The following TMEM254 variants were observed in gnomAD, a reference collection of about 807,000 sequenced individuals.
TMEM254 encodes transmembrane protein C10orf57.
Under a neutral mutation model 13.9 loss-of-function variants are expected in TMEM254, and 16 were observed. That is an observed-to-expected ratio of 1.15 (90% CI 0.78 to 1.75). The LOEUF (loss-of-function observed/expected upper bound fraction) is 1.75. Ranked by LOEUF, TMEM254 falls within the 40% of genes most tolerant of loss-of-function variation. TMEM254 has a pLI of 0.00. For missense variants in TMEM254, 155 were observed against 149.0 expected (o/e 1.04, Z -0.21); for synonymous variants, 61 against 56.4 (o/e 1.08, Z -0.36).
intron 1 of TMEM254, among the ~76,000 whole-genome samples, chr10:80,080,960 GT>G (rs1428765521): frequency 6.6e-6 from 1 of 152,316 alleles, no homozygotes; most frequent in East Asian, 1.9e-4. Context: ...TGCACCTGTA[GT>G]CCCAGCTACT....
intron 1 of TMEM254, chr10:80,079,644 G>C: frequency 1.0e-6 from 1 of 986,992 alleles, no homozygotes; most frequent in Non-Finnish European, 1.2e-6. Flanking sequence ...ACGTTTGTTT[G>C]GCTGAGAAAT....
chr10:80,079,425 C>T, intron 1 of TMEM254: 3 of 1,069,186 alleles, frequency 2.8e-6, no homozygotes, highest in Non-Finnish European at 3.4e-6. Context: ...TCTCACGAAG[C>T]GGAAAGTCAA....
At chr10:80,079,167 G>A (rs993237683) in intron 1 of TMEM254, 2 of 1,311,692 alleles carry the variant, frequency 1.5e-6, no homozygotes, top group Non-Finnish European at 2.0e-6. Context: ...CACAGTCCTG[G>A]GGCTGGGCTA....
chr10:80,090,685 C>T, intron 3 of TMEM254, 112 bp from the exon 4 acceptor site: 1 of 978,272 alleles, frequency 1.0e-6, no homozygotes, highest in Admixed American at 2.8e-5. Flanking sequence ...AAAATAAACC[C>T]AATGAAAGTA....
intron 1 of TMEM254, 25 bp downstream of exon 1, chr10:80,078,811 C>T (rs1843783506): frequency 1.3e-6 from 2 of 1,579,634 alleles, no homozygotes; most frequent in Non-Finnish European, 1.7e-6. Flanking sequence ...TGGAGCGCTA[C>T]GGTCTGACGA....
rs373681540 is a variant in TMEM254 at position 80,078,756 on chromosome 10, A to G, written c.57A>G (p.Thr19=). ...YFQRGSLFWF[T]VITLSFGYYT... ...AGCGAGGCAGTCTGTTCTGGTTCAC[A>G]GTCATCACCCTCAGCTTTGGCTACT... is the stretch of plus-strand genomic sequence containing the variant. The change falls in exon 1 of 4, where the codon ACA becomes ACG. Residue 19 remains threonine (T), a synonymous_variant. Transcript: ENST00000372281. 7.5e-6 allele frequency: 12 copies of G among 1,608,894 alleles called. No homozygotes were observed. In the African/African-American group the frequency reaches 1.5e-4, roughly 20 times the overall value.
At chr10:80,081,613 A>G in intron 1 of TMEM254, 1 of 1,385,046 alleles carries the variant, frequency 7.2e-7, no homozygotes, top group Non-Finnish European at 9.9e-7. Flanking sequence ...GGCTGCAGTG[A>G]GTCATGATCA....
At chr10:80,081,702 TG>T in intron 1 of TMEM254, 138 bp from the exon 2 acceptor site, 1 of 1,604,316 alleles carries the variant, frequency 6.2e-7, no homozygotes, top group Non-Finnish European at 8.5e-7. Context: ...AAGCCAAGAA[TG>T]GAGACCCAAA....
At chr10:80,088,997 T>C (rs1407216164) in intron 3 of TMEM254, among the ~76,000 whole-genome samples, 1 of 121,238 alleles carries the variant, frequency 8.2e-6, no homozygotes, top group African/African-American at 3.2e-5. Flanking sequence ...CTTTGTTTCA[T>C]TTCATTTTCT....
chr10:80,090,909 C>T lies in TMEM254; in HGVS notation c.364C>T (p.Gln122Ter). The T allele has an allele frequency of 6.2e-7, 1 of 1,613,618 alleles. No homozygotes were observed. Among genetic ancestry groups the T allele is most frequent in the Middle Eastern group, 1.7e-4 (1 of 6,052 alleles). ...TGCTTACAAACGGAAGCGCCAAAAACAAACTTGAAGTTGTCTGAAAGCTTG... is the reference window on the plus strand; with the variant it reads ...TGCTTACAAACGGAAGCGCCAAAAATAAACTTGAAGTTGTCTGAAAGCTTG... ...LIAYKRKRQKQT is the reference protein window; with the variant it reads ...LIAYKRKRQK Residue 122 changes from glutamine (Q) to a stop codon, truncating the protein, a stop_gained, in exon 4 of 4, where the codon CAA becomes TAA. Transcript: ENST00000372281. LOFTEE classifies it high-confidence loss of function.
In TMEM254 at chr10:80,088,690, G is replaced by A. The variant is rs1209861679; in HGVS notation, c.252-2107G>A. Among the ~76,000 whole-genome samples, 14 of 150,658 alleles carry A rather than the reference G, an allele frequency of 9.3e-5. No homozygotes were observed. In the East Asian group the frequency reaches 1.6e-3, roughly 17 times the overall value. On this transcript the variant is annotated intron_variant, in intron 3 of 3. Coordinates refer to ENST00000372281, the MANE Select transcript of TMEM254 (RefSeq NM_025125.4). ...TGAGGCAGGAGAATGGCATGAACCC[G>A]GGAGGCCCCGGAGCTTGCAGTTAGC...
In TMEM254 at chr10:80,091,021, G is replaced by T. The variant is rs1357904557; in HGVS notation, c.*104G>T. 1 of 1,459,508 alleles carries T rather than the reference G, an allele frequency of 6.9e-7. No individual in the cohort carries two copies. The highest frequency in any genetic ancestry group is 9.2e-7 in the Non-Finnish European group (1 of 1,087,948). 90.4% of individuals were successfully genotyped at this position (1,459,508 alleles called of 1,614,324 possible). A position where few individuals can be genotyped will look rare whatever the true frequency, so the allele number is the denominator to read the frequency against. ...TACTCAGTGATCTTTCTACTTTCTA[G>T]AAACTGTCCTTCAAAGCTCTTTAAG... On this transcript the variant is annotated 3_prime_UTR_variant, in exon 4 of 4. Coordinates refer to ENST00000372281, the MANE Select transcript of TMEM254 (RefSeq NM_025125.4).
In TMEM254 at chr10:80,090,895, G is replaced by A. The variant is rs150892131; in HGVS notation, c.350G>A (p.Arg117Gln). Residue 117 changes from arginine (R) to glutamine (Q), a missense_variant, in exon 4 of 4, where the codon CGG becomes CAG. Transcript: ENST00000372281. ...ASLTILIAYK[R>Q]KRQKQT ...CTCACCATCTTGATTGCTTACAAAC[G>A]GAAGCGCCAAAAACAAACTTGAAGT... The A allele has an allele frequency of 1.5e-4, 246 of 1,613,734 alleles. 1 individual carries two copies. The highest frequency in any genetic ancestry group is 1.8e-4 in the Non-Finnish European group (217 of 1,179,878).
rs1446199706 is a variant in TMEM254 at position 80,078,712 on chromosome 10, G to A, written c.13G>A (p.Ala5Thr). The change falls in exon 1 of 4, where the codon GCC becomes ACC. Residue 5 changes from alanine (A) to threonine (T), a missense_variant. Coordinates refer to ENST00000372281, the MANE Select transcript of TMEM254 (RefSeq NM_025125.4). MATA[A>T]GATYFQRGSL... ...AGGTGTTGCAGCCATGGCTACGGCA[G>A]CCGGCGCGACCTACTTTCAGCGAGG... 2 of 1,603,564 alleles carry A rather than the reference G, an allele frequency of 1.2e-6. No individual in the cohort carries two copies. Among genetic ancestry groups the A allele is most frequent in the Non-Finnish European group, 1.7e-6 (2 of 1,176,330 alleles).
intron 3 of TMEM254, among the ~76,000 whole-genome samples, chr10:80,086,840 CA>C (rs71034279): frequency 0.57 from 74,063 of 129,402 alleles, 18,969 homozygotes; most frequent in East Asian, 0.72. Flanking sequence ...GACTCCATTT[CA>C]AAAAAAAAAA....
At chr10:80,086,190 A>T in intron 3 of TMEM254, 1 of 1,343,882 alleles carries the variant, frequency 7.4e-7, no homozygotes, top group Non-Finnish European at 9.8e-7. Flanking sequence ...TGTGAATTAA[A>T]TTAAGAAAAC....
chr10:80,081,288 ACT>A (rs953482420), intron 1 of TMEM254, among the ~76,000 whole-genome samples: 2 of 85,566 alleles, frequency 2.3e-5, no homozygotes, highest in East Asian at 4.3e-4. Flanking sequence ...AGAAAAAAAG[ACT>A]TTAAGAGTCA....
chr10:80,090,349 T>C (rs1249985923), intron 3 of TMEM254: 1 of 716,578 alleles, frequency 1.4e-6, no homozygotes, highest in Non-Finnish European at 2.6e-6. Flanking sequence ...ACTGACTCAG[T>C]GAGATAGCTA....
chr10:80,079,780 T>C, intron 1 of TMEM254: 2 of 803,992 alleles, frequency 2.5e-6, no homozygotes, highest in Non-Finnish European at 3.0e-6. Context: ...TGGGGCGATC[T>C]CGGCTCACTG....
Sources: gnomAD v4.1 joint callset for allele counts (sites outside exome capture counted in the v4.1 genomes callset) on GRCh38, gnomAD v4.1.1 for gene constraint, MANE v1.5 for transcripts, NCBI Gene and HGNC (gene_info 2026-07-23, HGNC 2026-07-21) for gene names.